The following DIXDC1 variants were observed in gnomAD, a reference collection of about 807,000 sequenced individuals.
DIXDC1 encodes the protein DIX domain containing 1.
Under a neutral mutation model 103.1 loss-of-function variants are expected in DIXDC1, and 64 were observed. That is an observed-to-expected ratio of 0.62 (90% confidence interval 0.51 to 0.76). The LOEUF (loss-of-function observed/expected upper bound fraction) is 0.76. Among genes scored for constraint, DIXDC1 ranks in the 30% least tolerant of loss-of-function variants. The pLI is 0.00. For synonymous variants in DIXDC1, 266 were observed against 298.5 expected, an observed-to-expected ratio of 0.89 and a Z score of 1.12; for missense variants, 759 against 834.2, an observed-to-expected ratio of 0.91 and a Z score of 1.11.
At chr11:111,935,449 T>C (rs1285122480), upstream of DIXDC1, among the ~76,000 whole-genome samples, 1 of 152,234 alleles carries the variant, frequency 6.6e-6, no homozygotes, top group African/African-American at 2.4e-5. Context: ...CTGGCATAGA[T>C]AACTGTCAGC....
intron 1 of DIXDC1, among the ~76,000 whole-genome samples, chr11:111,952,581 G>A (rs782314283): frequency 6.6e-6 from 1 of 152,030 alleles, no homozygotes; most frequent in Non-Finnish European, 1.5e-5. Context: ...CCAGCACTTT[G>A]GGAGACCAAG....
intron 8 of DIXDC1, among the ~76,000 whole-genome samples, chr11:111,986,453 C>G (rs1020715648): frequency 6.6e-6 from 1 of 150,580 alleles, no homozygotes; most frequent in Non-Finnish European, 1.5e-5. Flanking sequence ...CAACCTCTGC[C>G]TCCCGGGTTC....
rs1860174943 is a variant in DIXDC1, at chr11:111,977,993, C to T, written c.657-2744C>T. Among the ~76,000 whole-genome samples, 1 of 152,014 alleles carries T rather than the reference C, an allele frequency of 6.6e-6. No homozygotes were observed. The highest frequency in any genetic ancestry group is 1.9e-4 in the East Asian group (1 of 5,176). The stretch of plus-strand genomic sequence containing the variant: ...CAGCATGGGGGGAGGATGAGTAGCC[C>T]TTGCGCCTGCCAGGGTCTTTGGTGG... On this transcript the variant is annotated intron_variant, in intron 5 of 19. Coordinates refer to ENST00000440460, the MANE Select transcript of DIXDC1 (RefSeq NM_001037954.4). The surrounding 1 kb of genome is among the most constrained non-coding windows in gnomAD (Gnocchi z 6.1).
Position 111,986,924 on chromosome 11 carries a change from G to T in DIXDC1, c.1062G>T (p.Lys354Asn). 1 of 1,572,764 alleles carries T rather than the reference G, an allele frequency of 6.4e-7. No individual in the cohort carries two copies. The highest frequency in any genetic ancestry group is 1.2e-5 in the South Asian group (1 of 85,822). Residue 354 changes from lysine to asparagine, a missense_variant and splice_region_variant, in exon 9 of 20, where the codon AAG (lysine) becomes AAT (asparagine). By Grantham distance (94) the Lys-to-Asn change is moderately conservative (BLOSUM62 0). Transcript: ENST00000440460. ...GTATGGAGGAGAATCAGGACTTAAA[G>T]GTATGTCAAGACATGTACATTTTAC... is the stretch of plus-strand genomic sequence containing the variant. ...DQSMEENQDL[K>N]KELLKCKQEA...
intron 3 of DIXDC1, 128 bp from the exon 4 acceptor site, chr11:111,973,895 A>G: frequency 1.3e-6 from 1 of 774,982 alleles, no homozygotes; most frequent in South Asian, 1.8e-5. Flanking sequence ...CTTTGTGAGG[A>G]CTGAGACCCT....
chr11:111,962,000 G>A (rs782206093), intron 1 of DIXDC1, among the ~76,000 whole-genome samples: 39 of 152,250 alleles, frequency 2.6e-4, no homozygotes, highest in East Asian at 1.7e-3. Flanking sequence ...TATGTACCCC[G>A]TCATAGCTTT....
chr11:111,927,984 C>G (rs1278805930), intron 1 of DIXDC1, among the ~76,000 whole-genome samples: 3 of 142,406 alleles, frequency 2.1e-5, no homozygotes, highest in East Asian at 2.0e-4. Flanking sequence ...CCAAAGCACT[C>G]CAGCCTGGGG....
chr11:111,955,671 C>T (rs1418132467), intron 1 of DIXDC1, among the ~76,000 whole-genome samples: 1 of 151,274 alleles, frequency 6.6e-6, no homozygotes, highest in Non-Finnish European at 1.5e-5. Context: ...CCCATCTCTA[C>T]TAAAAATACA....
At chr11:111,946,653 A>T (rs1555169415) in intron 1 of DIXDC1, 3 of 272,836 alleles carry the variant, frequency 1.1e-5, no homozygotes, top group African/African-American at 2.2e-5. Flanking sequence ...GAGCCACTGC[A>T]CCCAGCCAAC....
chr11:111,977,159 C>A lies in DIXDC1; in HGVS notation c.656+2176C>A. 1 of 680,710 alleles carries A rather than the reference C, an allele frequency of 1.5e-6. No homozygotes were observed. The highest frequency in any genetic ancestry group is 1.8e-6 in the Non-Finnish European group (1 of 551,190). 42.2% of individuals were successfully genotyped at this position (680,710 alleles called of 1,614,324 possible). On this transcript the variant is annotated intron_variant, in intron 5 of 19. Coordinates refer to ENST00000440460, the MANE Select transcript of DIXDC1 (RefSeq NM_001037954.4). The surrounding 1 kb of genome is among the most constrained non-coding windows in gnomAD (Gnocchi z 6.1). ...CCCCTCGTCGACGTCCCCACCCCCA[C>A]CTCCACCCCGCCCAGCCCCGCCCCT...
At chr11:111,955,260 C>T (rs923862467) in intron 1 of DIXDC1, among the ~76,000 whole-genome samples, 4 of 146,658 alleles carry the variant, frequency 2.7e-5, no homozygotes, top group African/African-American at 7.6e-5. Flanking sequence ...TGCTTGAGCC[C>T]AGGAGGTTGA....
At position 111,964,653 on chromosome 11, in the gene DIXDC1, C is replaced by A. The variant is rs1555171348; in HGVS notation, c.165C>A (p.Ile55=). 6.2e-7 allele frequency: 1 copy of A among 1,610,604 alleles called. No homozygotes were observed. Among genetic ancestry groups the A allele is most frequent in the Admixed American group, 1.7e-5 (1 of 59,312 alleles). ...GACAAGATCTCCGGGATGGGGTGAT[C>A]CTGGCATATCTCATCGAGATTGTTG... ...DLRQDLRDGV[I]LAYLIEIVAG... is the part of the protein sequence containing the mutation. The change falls in exon 2 of 20, where the codon ATC becomes ATA. Residue 55 remains isoleucine (I), a synonymous_variant. Transcript: ENST00000440460.
intron 2 of DIXDC1, among the ~76,000 whole-genome samples, chr11:111,966,408 T>TTTTTTTTTTTTC (rs1859738129): frequency 7.2e-6 from 1 of 138,516 alleles, no homozygotes; most frequent in Non-Finnish European, 1.5e-5. Context: ...TTTTTTTTTT[T>TTTTTTTTTTTTC]TTTTTTTTTT....
At position 111,992,972 on chromosome 11, in the gene DIXDC1, G is replaced by A. The variant is rs782668131; in HGVS notation, c.1240G>A (p.Asp414Asn). Residue 414 changes from aspartate to asparagine, a missense_variant, in exon 12 of 20, where the codon GAT becomes AAT. By Grantham distance (23) the Asp-to-Asn change is conservative. This residue lies in a region of DIXDC1 where 657 missense variants were observed against 727.5 expected (regional missense o/e 0.90). Transcript: ENST00000440460. ...GCAGGTGGATCTGCAGAGGAAGCTAGATGAGAGGAACCGGCTCTTGGGAGA... is the reference window on the plus strand; with the variant it reads ...GCAGGTGGATCTGCAGAGGAAGCTAAATGAGAGGAACCGGCTCTTGGGAGA... ...NQNVDLQRKL[D>N]ERNRLLGEYK... 5.0e-6 allele frequency: 8 copies of A among 1,608,648 alleles called. No homozygotes were observed. In the African/African-American group the frequency reaches 1.1e-4, roughly 21 times the overall value.
chr11:111,975,639 C>T, intron 5 of DIXDC1: 1 of 985,684 alleles, frequency 1.0e-6, no homozygotes, highest in Non-Finnish European at 1.2e-6. Context: ...TATAAACACT[C>T]CCCAGATCAT....
At chr11:111,970,346 C>T (rs1221746546) in intron 3 of DIXDC1, among the ~76,000 whole-genome samples, 8 of 152,204 alleles carry the variant, frequency 5.3e-5, no homozygotes, top group Admixed American at 3.3e-4. Flanking sequence ...TGAGCCACTG[C>T]ACCTGGCCAA....
At chr11:111,946,638 G>A (rs782101875) in intron 1 of DIXDC1, 1 of 246,446 alleles carries the variant, frequency 4.1e-6, no homozygotes, top group Admixed American at 4.0e-5. Context: ...TAGAATTACA[G>A]GCATGAGCCA....
In DIXDC1 at chr11:111,990,290, C is replaced by CA. The variant is rs1860661054; in HGVS notation, c.1113+1236dup. ...ATTTTGAGTAGAGACTGGGTTTTAG[C>CA]ATGTTGGCCAGGCTGGTCTTGAACT... On this transcript the variant is annotated intron_variant, in intron 10 of 19. Coordinates refer to ENST00000440460, the MANE Select transcript of DIXDC1 (RefSeq NM_001037954.4). Among the ~76,000 whole-genome samples the CA allele has an allele frequency of 2.0e-5, 3 of 151,168 alleles. No individual in the cohort carries two copies. In the South Asian group the frequency reaches 6.3e-4, roughly 32 times the overall value.
intron 1 of DIXDC1, among the ~76,000 whole-genome samples, chr11:111,939,798 G>A (rs894303520): frequency 1.3e-5 from 2 of 152,126 alleles, no homozygotes. Context: ...CAGCCTCCAG[G>A]GTTGCTTAAT....
Sources: allele counts gnomAD v4.1 joint callset (sites outside exome capture counted in the v4.1 genomes callset), GRCh38; gene constraint gnomAD v4.1.1; regional missense constraint gnomAD v4.1.1; non-coding constraint Gnocchi (gnomAD v3.1); transcripts MANE v1.5; gene names NCBI Gene and HGNC (gene_info 2026-07-23, HGNC 2026-07-21).